PCDHGB1: variants seen among roughly 807,000 people sequenced by gnomAD.
The protein encoded by PCDHGB1 is protocadherin gamma-B1.
In PCDHGB1, 34 loss-of-function variants were observed where a neutral mutation model predicts 56.6. That is an observed-to-expected ratio of 0.60 (90% CI 0.46 to 0.80). The LOEUF (loss-of-function observed/expected upper bound fraction) is 0.80. Ranked by LOEUF, PCDHGB1 falls within the 30% of genes least tolerant of loss-of-function variation. PCDHGB1 has a pLI of 0.00. For missense variants in PCDHGB1, 1,278 were observed against 1,204.6 expected, an observed-to-expected ratio of 1.06 and a Z score of -0.90; for synonymous variants, 561 against 505.9, an observed-to-expected ratio of 1.11 and a Z score of -1.46.
rs767337670 is a variant in PCDHGB1 at position 141,433,083 on chromosome 5, A to G, written c.2410-61724A>G. 8.1e-6 allele frequency: 13 copies of G among 1,614,174 alleles called. 1 individual carries two copies. Among genetic ancestry groups the G allele is most frequent in the Non-Finnish European group, 9.3e-6 (11 of 1,180,024 alleles). ...CACCTGATCTTCCCCCAGCCCAACT[A>G]TGCAGACATGCTCGTCAGCCAGGAG... On this transcript the variant is annotated intron_variant, in intron 1 of 3. Coordinates refer to ENST00000523390, the MANE Select transcript of PCDHGB1 (RefSeq NM_018922.3).
At chr5:141,478,940 T>C in intron 1 of PCDHGB1, 2 of 584,636 alleles carry the variant, frequency 3.4e-6, no homozygotes, top group South Asian at 2.7e-5. Flanking sequence ...CTTCTAGGAA[T>C]ACAAAAACTA....
At chr5:141,408,504 G>C (rs752297449) in intron 1 of PCDHGB1, 2 of 1,613,936 alleles carry the variant, frequency 1.2e-6, no homozygotes, top group Non-Finnish European at 1.7e-6. Context: ...GAGAGAAGAA[G>C]ATGTGAGTTG....
chr5:141,478,589 T>C, intron 1 of PCDHGB1: 2 of 1,573,336 alleles, frequency 1.3e-6, no homozygotes, highest in Non-Finnish European at 1.7e-6. Context: ...AGTGCTTTTT[T>C]ATTCCTACAT....
At position 141,432,644 on chromosome 5, in the gene PCDHGB1, G is replaced by A; in HGVS notation, c.2410-62163G>A. The A allele has an allele frequency of 1.2e-6, 2 of 1,613,812 alleles. No homozygotes were observed. The highest frequency in any genetic ancestry group is 1.7e-6 in the Non-Finnish European group (2 of 1,179,942). ...TCTGCACACGGGCGAGGTGCGCACG[G>A]CGCGAGCCCTGCTGGACAGAGACGC... On this transcript the variant is annotated intron_variant, in intron 1 of 3. Coordinates refer to ENST00000523390, the MANE Select transcript of PCDHGB1 (RefSeq NM_018922.3). The surrounding 1 kb of genome is among the most constrained non-coding windows in gnomAD (Gnocchi z 6.0).
chr5:141,394,007 A>G lies in PCDHGB1; in HGVS notation c.2409+41338A>G, dbSNP rs1230558462. The G allele has an allele frequency of 3.7e-6, 6 of 1,613,344 alleles. No homozygotes were observed. The East Asian group carries it at 1.3e-4, about 36-fold the overall frequency. Reference sequence around the variant, plus strand: ...TACCTTTTAAATTAGAAAAGTCAATAGGTAATTATTATAGATTAGTGACAA... The same window carrying G: ...TACCTTTTAAATTAGAAAAGTCAATGGGTAATTATTATAGATTAGTGACAA... On this transcript the variant is annotated intron_variant, in intron 1 of 3. Coordinates refer to ENST00000523390, the MANE Select transcript of PCDHGB1 (RefSeq NM_018922.3).
At chr5:141,405,596 A>T (rs1024672340) in intron 1 of PCDHGB1, 2 of 578,622 alleles carry the variant, frequency 3.5e-6, no homozygotes, top group Admixed American at 6.3e-5. Flanking sequence ...AGGCCTCCCA[A>T]GTAGAATAAC....
Position 141,408,292 on chromosome 5 carries a change from T to C in PCDHGB1, c.2409+55623T>C, listed in dbSNP as rs752767472. On this transcript the variant is annotated intron_variant, in intron 1 of 3. Coordinates refer to ENST00000523390, the MANE Select transcript of PCDHGB1 (RefSeq NM_018922.3). ...TGCCTTTGTTCTACCCCACCCTGAGTGAGCCGATCCGCTACTCGATTCCGG... is the reference window on the plus strand; with the variant it reads ...TGCCTTTGTTCTACCCCACCCTGAGCGAGCCGATCCGCTACTCGATTCCGG... The C allele has an allele frequency of 5.0e-6, 8 of 1,613,504 alleles. No homozygotes were observed. The South Asian group carries it at 8.8e-5, about 18-fold the overall frequency.
intron 1 of PCDHGB1, chr5:141,441,139 G>C (rs1000704603): frequency 6.6e-6 from 1 of 152,172 alleles, no homozygotes; most frequent in African/African-American, 2.4e-5. Context: ...ATTTCTAGAA[G>C]ATAATGACAA....
At chr5:141,414,439 T>A in intron 1 of PCDHGB1, 1 of 1,613,874 alleles carries the variant, frequency 6.2e-7, no homozygotes, top group East Asian at 2.2e-5. Context: ...GGTATCCTCT[T>A]ACAATATCAC....
chr5:141,504,728 G>A (rs978910481), intron 2 of PCDHGB1, among the ~76,000 whole-genome samples: 5 of 151,522 alleles, frequency 3.3e-5, no homozygotes, highest in African/African-American at 9.7e-5. Context: ...TACTCTGAGG[G>A]CTTAGGAAGC....
chr5:141,492,471 C>T (rs937691695), intron 1 of PCDHGB1, among the ~76,000 whole-genome samples: 8 of 152,240 alleles, frequency 5.3e-5, no homozygotes, highest in Non-Finnish European at 1.0e-4. Flanking sequence ...GGTCCCAGAT[C>T]GCGGCCGCCC....
intron 3 of PCDHGB1, 89 bp from the exon 4 acceptor site, chr5:141,510,858 T>C (rs992991460): frequency 5.8e-5 from 93 of 1,606,182 alleles, no homozygotes; most frequent in South Asian, 1.0e-4. Flanking sequence ...GGGTGCTGTA[T>C]AGGCATTCAT....
At chr5:141,377,524 G>A (rs574411289) in intron 1 of PCDHGB1, 3 of 151,920 alleles carry the variant, frequency 2.0e-5, no homozygotes, top group Admixed American at 6.6e-5. Context: ...TAAGTCCAGG[G>A]GTATGAGGCT....
intron 1 of PCDHGB1, 144 bp from the exon 2 acceptor site, chr5:141,494,663 G>A: frequency 6.7e-7 from 1 of 1,499,356 alleles, no homozygotes; most frequent in Non-Finnish European, 9.0e-7. Flanking sequence ...TGTCTTTGGA[G>A]ATGAGTCCAC....
chr5:141,351,324 A>T lies in PCDHGB1; in HGVS notation c.1064A>T (p.Asp355Val), dbSNP rs1474288372. The T allele has an allele frequency of 6.2e-7, 1 of 1,613,722 alleles. No individual in the cohort carries two copies. Among genetic ancestry groups the T allele is most frequent in the Non-Finnish European group, 8.5e-7 (1 of 1,179,806 alleles). The change falls in exon 1 of 4, where the codon GAT becomes GTT. Residue 355 changes from aspartate to valine, a missense_variant. Transcript: ENST00000523390. ...FMSFSNQIPE[D>V]SDLGTVIALI... ...TCCTTCTCTAACCAGATTCCAGAGG[A>T]TTCAGACCTTGGAACTGTAATAGCC...
At chr5:141,443,713 A>G (rs774603084) in intron 1 of PCDHGB1, among the ~76,000 whole-genome samples, 19 of 152,246 alleles carry the variant, frequency 1.2e-4, no homozygotes, top group Admixed American at 8.5e-4. Flanking sequence ...ACATTTGCAT[A>G]TAAAATTCCT....
chr5:141,357,616 C>T, intron 1 of PCDHGB1: 1 of 1,613,818 alleles, frequency 6.2e-7, no homozygotes, highest in Non-Finnish European at 8.5e-7. Context: ...AGACCCTAAT[C>T]TTCAGGTGAG....
intron 1 of PCDHGB1, among the ~76,000 whole-genome samples, chr5:141,488,190 G>A (rs1162264945): frequency 1.3e-5 from 2 of 152,164 alleles, no homozygotes; most frequent in African/African-American, 4.8e-5. Flanking sequence ...CTTTTGGTCT[G>A]GGTCTTAGGA....
intron 1 of PCDHGB1, chr5:141,399,003 A>C: frequency 6.2e-7 from 1 of 1,613,966 alleles, no homozygotes; most frequent in East Asian, 2.2e-5. Context: ...GTCTGAATTC[A>C]AAGAGCGGAG....
Sources: allele counts gnomAD v4.1 joint callset (sites outside exome capture counted in the v4.1 genomes callset), GRCh38; gene constraint gnomAD v4.1.1; non-coding constraint Gnocchi (gnomAD v3.1); transcripts MANE v1.5; gene names NCBI Gene and HGNC (gene_info 2026-07-23, HGNC 2026-07-21).